Variants in CARMIL1 observed in about 807,000 individuals in gnomAD.
CARMIL1 encodes capping protein regulator and myosin 1 linker 1, also known as F-actin-uncapping protein LRRC16A.
Under a neutral mutation model 177.1 loss-of-function variants are expected in CARMIL1, and 90 were observed. That is an observed-to-expected ratio of 0.51 (90% CI 0.43 to 0.61). The LOEUF (loss-of-function observed/expected upper bound fraction) is 0.61. Ranked by LOEUF, CARMIL1 falls within the 20% of genes least tolerant of loss-of-function variation. The probability of loss-of-function intolerance (pLI) is 0.00; values close to 1 mark genes in which losing one functional copy is unlikely to be tolerated. For missense variants in CARMIL1, 1,380 were observed against 1,667.0 expected, an observed-to-expected ratio of 0.83 and a Z score of 3.00; for synonymous variants, 577 against 606.2, an observed-to-expected ratio of 0.95 and a Z score of 0.71.
At chr6:25,618,020 G>T (rs753488890) in intron 36 of CARMIL1, among the ~76,000 whole-genome samples, 14 of 152,168 alleles carry the variant, frequency 9.2e-5, no homozygotes, top group South Asian at 2.1e-4. Context: ...AAGAAATTAC[G>T]TACTTTTATT....
chr6:25,427,134 C>G (rs979477219), intron 4 of CARMIL1, among the ~76,000 whole-genome samples: 2 of 151,992 alleles, frequency 1.3e-5, no homozygotes, highest in African/African-American at 4.8e-5. Flanking sequence ...ATACTTCTTC[C>G]TGTCTGCCTT....
At position 25,299,138 on chromosome 6, in the gene CARMIL1, A is replaced by G. The variant is rs113940621; in HGVS notation, c.138+14229A>G. 9.0e-3 allele frequency among the ~76,000 whole-genome samples: 1,325 copies of G among 147,840 alleles called. 19 individuals carry two copies. Among genetic ancestry groups the G allele is most frequent in the African/African-American group, 0.028 (1,124 of 40,128 alleles). On this transcript the variant is annotated intron_variant, in intron 2 of 36. Coordinates refer to ENST00000329474, the MANE Select transcript of CARMIL1 (RefSeq NM_017640.6). ...TTGGTGTGTGTGGCTCTGTGTCTCC[A>G]TAGTCAGAAGGATTCCTGGGCATGC...
intron 8 of CARMIL1, among the ~76,000 whole-genome samples, chr6:25,459,210 T>TTTTTTCTTTC (rs1554200785): frequency 2.5e-5 from 2 of 80,136 alleles, no homozygotes; most frequent in Non-Finnish European, 5.0e-5. Flanking sequence ...GATCCCAACT[T>TTTTTTCTTTC]TTTCTTTCTT....
At position 25,581,284 on chromosome 6, in the gene CARMIL1, A is replaced by G. The variant is rs373726074; in HGVS notation, c.2851A>G (p.Ile951Val). The G allele has an allele frequency of 5.5e-5, 89 of 1,613,852 alleles. No homozygotes were observed. Among genetic ancestry groups the G allele is most frequent in the African/African-American group, 8.0e-5 (6 of 74,908 alleles). The change falls in exon 31 of 37, where the codon ATT becomes GTT. Residue 951 changes from isoleucine (I) to valine (V), a missense_variant. Ile to Val is a conservative substitution (Grantham distance 29, BLOSUM62 3). Coordinates refer to ENST00000329474, the MANE Select transcript of CARMIL1 (RefSeq NM_017640.6). Reference sequence around the variant, plus strand: ...AGATAAAGCGCTGGAAGAGGTACCAATTCACATCGAAGACCCGCCCTTCCC... The same window carrying G: ...AGATAAAGCGCTGGAAGAGGTACCAGTTCACATCGAAGACCCGCCCTTCCC... The part of the protein sequence containing the change: ...DLDKALEEVP[I>V]HIEDPPFPSL...
intron 17 of CARMIL1, among the ~76,000 whole-genome samples, chr6:25,506,743 TA>T (rs891888413): frequency 6.6e-6 from 1 of 152,164 alleles, no homozygotes; most frequent in Non-Finnish European, 1.5e-5. Context: ...AAAATTAATT[TA>T]AAAAAAATTA....
chr6:25,364,244 A>G (rs1204520635), intron 2 of CARMIL1, among the ~76,000 whole-genome samples: 1 of 151,966 alleles, frequency 6.6e-6, no homozygotes, highest in Admixed American at 6.5e-5. Context: ...ATGCCCTGCC[A>G]TTTTTTAGAT....
At chr6:25,495,477 G>C (rs530236862) in intron 16 of CARMIL1, among the ~76,000 whole-genome samples, 7 of 151,500 alleles carry the variant, frequency 4.6e-5, no homozygotes, top group African/African-American at 1.5e-4. Context: ...GTACTCCCAG[G>C]TACTTACTAT....
rs375945970 is a variant in CARMIL1 at position 25,417,405 on chromosome 6, C to CTT, written c.139-2708_139-2707dup. On this transcript the variant is annotated intron_variant, in intron 2 of 36. Coordinates refer to ENST00000329474, the MANE Select transcript of CARMIL1 (RefSeq NM_017640.6). ...CCCTTTTGCAAAAGGCCTGCAAACT[C>CTT]TTAATTCCCTGAGTACTGCTGTATT... 3.7e-3 allele frequency among the ~76,000 whole-genome samples: 566 copies of CTT among 152,290 alleles called. 1 individual carries two copies. Among genetic ancestry groups the CTT allele is most frequent in the Non-Finnish European group, 6.8e-3 (465 of 68,030 alleles).
At chr6:25,472,148 G>A (rs979433123) in intron 10 of CARMIL1, among the ~76,000 whole-genome samples, 1 of 151,696 alleles carries the variant, frequency 6.6e-6, no homozygotes, top group African/African-American at 2.4e-5. Flanking sequence ...TTATGGAGGG[G>A]CCAGAAAGTA....
intron 24 of CARMIL1, among the ~76,000 whole-genome samples, chr6:25,531,683 C>T (rs1434035805): frequency 6.6e-6 from 1 of 152,134 alleles, no homozygotes; most frequent in Non-Finnish European, 1.5e-5. Flanking sequence ...TACTACTAGC[C>T]TAGTATTTTA....
intron 10 of CARMIL1, among the ~76,000 whole-genome samples, 166 bp downstream of exon 10, chr6:25,471,423 G>T (rs940202913): frequency 1.3e-5 from 2 of 151,694 alleles, no homozygotes; most frequent in Non-Finnish European, 2.9e-5. Flanking sequence ...CATCATGAAG[G>T]CTAAGAATTT....
Position 25,588,774 on chromosome 6 carries a change from A to C in CARMIL1, c.3007-5641A>C, listed in dbSNP as rs114964056. Among the ~76,000 whole-genome samples, 761 of 152,350 alleles carry C rather than the reference A, an allele frequency of 5.0e-3. 4 individuals are homozygous for C. Among genetic ancestry groups the C allele is most frequent in the African/African-American group, 0.016 (653 of 41,578 alleles). On this transcript the variant is annotated intron_variant, in intron 31 of 36. Coordinates refer to ENST00000329474, the MANE Select transcript of CARMIL1 (RefSeq NM_017640.6). The stretch of plus-strand genomic sequence containing the variant: ...GGGATATAGTGCTGACTCTACCACT[A>C]ACTGGAATAATCTCCTAGTGGAAGG...
At chr6:25,360,841 GATT>G (rs201755143) in intron 2 of CARMIL1, among the ~76,000 whole-genome samples, 3,701 of 152,290 alleles carry the variant, frequency 0.024, 70 homozygotes, top group South Asian at 0.05. Flanking sequence ...GTGATTTTAG[GATT>G]ATTAAGTGTA....
chr6:25,471,260 G>A lies in CARMIL1; in HGVS notation c.779+3G>A. 6.2e-7 allele frequency: 1 copy of A among 1,601,670 alleles called. No homozygotes were observed. Among genetic ancestry groups the A allele is most frequent in the Non-Finnish European group, 8.5e-7 (1 of 1,169,994 alleles). ...TTGGAAAATGCTGGACTTAGAACGT[G>A]AGTATTTTCCTGAATATATAAATAT... On this transcript the variant is annotated splice_donor_region_variant and intron_variant, in intron 10 of 36. Transcript: ENST00000329474.
chr6:25,373,948 A>G lies in CARMIL1; in HGVS notation c.139-46166A>G, dbSNP rs367617440. ...GGTTAATCTAGCTAATCATCTATCGATTTTGTTTATCTTTTCAAAAAACCA... is the reference window on the plus strand; with the variant it reads ...GGTTAATCTAGCTAATCATCTATCGGTTTTGTTTATCTTTTCAAAAAACCA... On this transcript the variant is annotated intron_variant, in intron 2 of 36. Transcript: ENST00000329474. Among the ~76,000 whole-genome samples, 138 of 151,944 alleles carry G rather than the reference A, an allele frequency of 9.1e-4. 1 individual carries two copies. The highest frequency in any genetic ancestry group is 2.9e-3 in the African/African-American group (121 of 41,410).
chr6:25,504,776 A>T (rs1238921430), intron 17 of CARMIL1, among the ~76,000 whole-genome samples: 1 of 152,188 alleles, frequency 6.6e-6, no homozygotes, highest in East Asian at 1.9e-4. Flanking sequence ...CAAAGTAGTT[A>T]TGGGAGGCAA....
intron 11 of CARMIL1, among the ~76,000 whole-genome samples, chr6:25,475,103 G>A (rs750810548): frequency 2.3e-4 from 35 of 152,208 alleles, no homozygotes; most frequent in Non-Finnish European, 3.2e-4. Context: ...ATGTTAGATA[G>A]TTTCTTAAAA....
intron 24 of CARMIL1, among the ~76,000 whole-genome samples, chr6:25,532,691 T>G (rs2151110900): frequency 6.6e-6 from 1 of 152,346 alleles, no homozygotes; most frequent in Non-Finnish European, 1.5e-5. Flanking sequence ...GTTGTATTTG[T>G]TTTTGTCTGG....
intron 26 of CARMIL1, among the ~76,000 whole-genome samples, chr6:25,550,052 G>C (rs1028642287): frequency 3.3e-5 from 5 of 152,148 alleles, no homozygotes; most frequent in African/African-American, 1.2e-4. Context: ...CACTCAGCTA[G>C]ATTTCAAATT....
Sources: gnomAD v4.1 joint callset for allele counts (sites outside exome capture counted in the v4.1 genomes callset) on GRCh38, gnomAD v4.1.1 for gene constraint, MANE v1.5 for transcripts, NCBI Gene and HGNC (gene_info 2026-07-23, HGNC 2026-07-21) for gene names.